The following ABCC11 variants were observed in gnomAD, a reference collection of about 807,000 sequenced individuals.
The protein encoded by ABCC11 is ATP binding cassette subfamily C member 11, also known as ATP-binding cassette sub-family C member 11.
ABCC11 carries 135 observed loss-of-function variants against 149.3 expected under a neutral mutation model. The ratio of observed to expected loss-of-function variants is 0.90; its 90% CI spans 0.79 to 1.04. ABCC11 has a LOEUF of 1.04. Ranked by LOEUF, ABCC11 falls within the 50% of genes least tolerant of loss-of-function variation. ABCC11 has a pLI of 0.00. For synonymous variants in ABCC11, 665 were observed against 671.4 expected (o/e 0.99, Z 0.15); for missense variants, 1,680 against 1,722.1 (o/e 0.98, Z 0.43).
rs1200447326 is a variant in ABCC11, at chr16:48,192,531, G to C, written c.2695C>G (p.Leu899Val). The C allele has an allele frequency of 1.9e-6, 3 of 1,614,216 alleles. No individual in the cohort carries two copies. The East Asian group carries it at 6.7e-5, about 36-fold the overall frequency. ...RKASTALHNK[L>V]FNKVFRCPMS... ...ACCCAGGCCCATACCTTGTTGAAGA[G>C]CTTGTTGTGCAGGGCCGTGGATGCC... The change falls in exon 20 of 30, where the codon CTC (leucine) becomes GTC (valine). Residue 899 changes from leucine (L) to valine (V), a missense_variant. Physicochemically the swap from Leu to Val is conservative, Grantham distance 32. Transcript: ENST00000356608.
rs1328932485 is a variant in ABCC11, at chr16:48,227,814, A to C, written c.387T>G (p.Asn129Lys). ...PLSVHDASDKNVQRLHRLWEE... is the reference protein window; with the variant it reads ...PLSVHDASDKKVQRLHRLWEE... ...GCCCAGCGCAGCTTCACCTTTGGAC[A>C]TTTTTGTCTGAGGCATCATGGACTG... Residue 129 changes from asparagine to lysine, a missense_variant, in exon 4 of 30, where the codon AAT (asparagine) becomes AAG (lysine). Transcript: ENST00000356608. 1.2e-6 allele frequency: 2 copies of C among 1,612,788 alleles called. No homozygotes were observed. Among genetic ancestry groups the C allele is most frequent in the Non-Finnish European group, 1.7e-6 (2 of 1,179,480 alleles).
intron 3 of ABCC11, 84 bp downstream of exon 3, chr16:48,230,353 C>G: frequency 6.9e-7 from 1 of 1,448,744 alleles, no homozygotes; most frequent in Non-Finnish European, 9.2e-7. Flanking sequence ...GTTATGCAAC[C>G]TTCGTGAGAG....
At chr16:48,199,509 A>G (rs757757892) in intron 15 of ABCC11, among the ~76,000 whole-genome samples, 1 of 152,168 alleles carries the variant, frequency 6.6e-6, no homozygotes, top group Non-Finnish European at 1.5e-5. Flanking sequence ...GAAAATATTC[A>G]AGGGAAAATG....
intron 6 of ABCC11, among the ~76,000 whole-genome samples, chr16:48,220,922 C>A (rs1453185912): frequency 2.0e-5 from 3 of 152,152 alleles, no homozygotes; most frequent in Non-Finnish European, 4.4e-5. Context: ...GTAGGGCAGC[C>A]AGATTTGTGC....
intron 1 of ABCC11, among the ~76,000 whole-genome samples, chr16:48,241,613 C>G (rs998602284): frequency 6.6e-6 from 1 of 152,178 alleles, no homozygotes; most frequent in Non-Finnish European, 1.5e-5. Context: ...AAGAACAAAG[C>G]TGGAGGCAAC....
Position 48,203,219 on chromosome 16 carries a change from C to A in ABCC11, c.1878+9G>T. 6.4e-7 allele frequency: 1 copy of A among 1,565,782 alleles called. No individual in the cohort carries two copies. The highest frequency in any genetic ancestry group is 2.3e-5 in the East Asian group (1 of 42,784). On this transcript the variant is annotated intron_variant, in intron 14 of 29. Transcript: ENST00000356608. ...TTACACAGAGAAGGCAGGCTCGCCT[C>A]CCTCTCACCTCTGTCATGTCTCCAA...
chr16:48,201,474 C>CTTTTTTTTTTTTTTTTT (rs560323114), intron 14 of ABCC11, among the ~76,000 whole-genome samples: 44 of 123,450 alleles, frequency 3.6e-4, no homozygotes, highest in Non-Finnish European at 5.1e-4. Flanking sequence ...TTTTCTTTTT[C>CTTTTTTTTTTTTTTTTT]TTTTTTTTTT....
At chr16:48,217,564 T>C (rs73540901) in intron 6 of ABCC11, among the ~76,000 whole-genome samples, 21,768 of 152,172 alleles carry the variant, frequency 0.14, 2,053 homozygotes, top group African/African-American at 0.27. Context: ...CCACTGCACT[T>C]CAGCCTGAGC....
chr16:48,208,465 C>G lies in ABCC11; in HGVS notation c.1640G>C (p.Gly547Ala), dbSNP rs771938987. The change falls in exon 12 of 30, where the codon GGG becomes GCG. Residue 547 changes from glycine (G) to alanine (A), a missense_variant. Transcript: ENST00000356608. ...TGACAACAGGCTGCTCTTACCACTC[C>G]CCGTGTTGCCGCAGACCCCTAACAT... ...GMMLGVCGNT[G>A]SGKSSLLSAI... The G allele has an allele frequency of 1.2e-6, 2 of 1,614,154 alleles. No homozygotes were observed. The highest frequency in any genetic ancestry group is 2.2e-5 in the South Asian group (2 of 91,078).
chr16:48,242,067 C>CTTCT (rs1970994711), intron 1 of ABCC11, among the ~76,000 whole-genome samples: 1 of 152,184 alleles, frequency 6.6e-6, no homozygotes, highest in South Asian at 2.1e-4. Context: ...AACTAAAGAG[C>CTTCT]TTCTGCACAG....
chr16:48,203,562 CT>C (rs1365023549), intron 13 of ABCC11, among the ~76,000 whole-genome samples: 2 of 152,130 alleles, frequency 1.3e-5, no homozygotes, highest in Non-Finnish European at 2.9e-5. Flanking sequence ...CCTTCATTTG[CT>C]TTTCTCAAAA....
At chr16:48,244,676 C>T (rs1345367990) in intron 1 of ABCC11, 5 of 1,241,528 alleles carry the variant, frequency 4.0e-6, no homozygotes, top group South Asian at 4.1e-5. Flanking sequence ...CTCCGGGGAC[C>T]TGGGCCCAGG....
intron 26 of ABCC11, 32 bp from the exon 27 acceptor site, chr16:48,170,999 A>C (rs1965683282): frequency 2.6e-6 from 4 of 1,540,484 alleles, no homozygotes; most frequent in East Asian, 4.5e-5. Context: ...AGTGTTCAAC[A>C]ACATCACCCA....
intron 1 of ABCC11, 163 bp from the exon 2 acceptor site, chr16:48,232,102 G>A: frequency 7.3e-7 from 1 of 1,371,204 alleles, no homozygotes; most frequent in Non-Finnish European, 9.4e-7. Context: ...GCCTGTGCTT[G>A]ATCCCTCTTT....
Position 48,192,585 on chromosome 16 carries a change from A to T in ABCC11, c.2641T>A (p.Ser881Thr). 6.2e-7 allele frequency: 1 copy of T among 1,614,248 alleles called. No individual in the cohort carries two copies. Among genetic ancestry groups the T allele is most frequent in the Non-Finnish European group, 8.5e-7 (1 of 1,180,046 alleles). The change falls in exon 20 of 30, where the codon TCA becomes ACA. Residue 881 changes from serine to threonine, a missense_variant. Physicochemically the swap from Ser to Thr is moderately conservative, Grantham distance 58. Transcript: ENST00000356608. Reference protein sequence around the residue: ...LLLICVGVCSSGIFTKVTRKA... With the variant: ...LLLICVGVCSTGIFTKVTRKA... ...CTCGTGACCTTGGTGAAAATCCCTGAGGAGCAGACCCCCACACAGATGAGG... is the reference window on the plus strand; with the variant it reads ...CTCGTGACCTTGGTGAAAATCCCTGTGGAGCAGACCCCCACACAGATGAGG...
intron 25 of ABCC11, among the ~76,000 whole-genome samples, 160 bp downstream of exon 25, chr16:48,176,764 G>A (rs1406128643): frequency 6.6e-6 from 1 of 152,200 alleles, no homozygotes; most frequent in African/African-American, 2.4e-5. Context: ...AGGGACCTTG[G>A]GTTTCGCTCA....
At position 48,185,710 on chromosome 16, in the gene ABCC11, A is replaced by G. The variant is rs1426993109; in HGVS notation, c.3072-1084T>C. On this transcript the variant is annotated intron_variant, in intron 22 of 29. Coordinates refer to ENST00000356608, the MANE Select transcript of ABCC11 (RefSeq NM_001370497.1). The stretch of plus-strand genomic sequence containing the variant: ...GTGGCCCTTCTGACTCACTCTGTCC[A>G]TACCCTCTGAACCTTTGCATAAGAC... Among the ~76,000 whole-genome samples, 4 of 152,198 alleles carry G rather than the reference A, an allele frequency of 2.6e-5. No homozygotes were observed. In the East Asian group the frequency reaches 7.7e-4, roughly 29 times the overall value.
rs139777123 is a variant in ABCC11 at position 48,208,291 on chromosome 16, T to C, written c.1680+134A>G. 226 of 938,026 alleles carry C rather than the reference T, an allele frequency of 2.4e-4. 1 individual carries two copies. The African/African-American group carries it at 3.4e-3, about 14-fold the overall frequency. The allele number at this position is 938,026 out of a possible 1,614,324, so 58.1% of individuals were successfully genotyped here. A position where few individuals can be genotyped will look rare whatever the true frequency, so the allele number is the denominator to read the frequency against. On this transcript the variant is annotated intron_variant, in intron 12 of 29. Coordinates refer to ENST00000356608, the MANE Select transcript of ABCC11 (RefSeq NM_001370497.1). The stretch of plus-strand genomic sequence containing the variant: ...CCGCACAGTGCAAGCACAACCATTT[T>C]TGATTTATAAAAATCCCACTTGCTC...
chr16:48,222,753 C>T lies in ABCC11; in HGVS notation c.622G>A (p.Ala208Thr), dbSNP rs762949418. The T allele has an allele frequency of 6.2e-7, 1 of 1,614,210 alleles. No homozygotes were observed. Among genetic ancestry groups the T allele is most frequent in the Non-Finnish European group, 8.5e-7 (1 of 1,180,028 alleles). ...TTCACACATTCGGAGAGAAAAAGGG[C>T]AAAGCAGAGTCCCACTCCATGGACA... is the stretch of plus-strand genomic sequence containing the variant. ...NVVHGVGLCF[A>T]LFLSECVKSL... The change falls in exon 6 of 30, where the codon GCC becomes ACC. Residue 208 changes from alanine to threonine, a missense_variant. Ala to Thr is a moderately conservative substitution (Grantham distance 58). Coordinates refer to ENST00000356608, the MANE Select transcript of ABCC11 (RefSeq NM_001370497.1).
Sources: gnomAD v4.1 joint callset for allele counts (sites outside exome capture counted in the v4.1 genomes callset) on GRCh38, gnomAD v4.1.1 for gene constraint, MANE v1.5 for transcripts, NCBI Gene and HGNC (gene_info 2026-07-23, HGNC 2026-07-21) for gene names.